Variants in ARHGAP26 observed in about 807,000 individuals in gnomAD.
ARHGAP26 encodes the protein Rho GTPase activating protein 26.
In ARHGAP26, 38 loss-of-function variants were observed where a neutral mutation model predicts 104.8. The observed-to-expected ratio is 0.36, with a 90% CI of 0.28 to 0.48. The LOEUF is 0.48. Ranked by LOEUF, ARHGAP26 falls within the 20% of genes least tolerant of loss-of-function variation. The pLI is 0.99. For missense variants in ARHGAP26, 704 were observed against 947.9 expected, an observed-to-expected ratio of 0.74 and a Z score of 3.38; for synonymous variants, 341 against 340.0, an observed-to-expected ratio of 1.00 and a Z score of -0.03.
At chr5:142,812,847 G>A (rs929306064) in intron 1 of ARHGAP26, among the ~76,000 whole-genome samples, 1 of 152,118 alleles carries the variant, frequency 6.6e-6, no homozygotes, top group African/African-American at 2.4e-5. Flanking sequence ...TCCTAAAACA[G>A]GGGTATTGAT....
chr5:142,797,945 T>C (rs1761323119), intron 1 of ARHGAP26, among the ~76,000 whole-genome samples: 1 of 152,230 alleles, frequency 6.6e-6, no homozygotes, highest in African/African-American at 2.4e-5. Flanking sequence ...CTGAGTTGCC[T>C]GTGCTAGACC....
chr5:142,821,434 T>G (rs1766167083), intron 1 of ARHGAP26, among the ~76,000 whole-genome samples: 1 of 150,754 alleles, frequency 6.6e-6, no homozygotes, highest in Non-Finnish European at 1.5e-5. Flanking sequence ...GCAAGTGCAC[T>G]CTTACATTTT....
At chr5:143,214,128 CG>C in intron 22 of ARHGAP26, 40 bp downstream of exon 22, 1 of 595,302 alleles carries the variant, frequency 1.7e-6, no homozygotes, top group Non-Finnish European at 2.6e-6. Flanking sequence ...GGGCGGGGGG[CG>C]GGGGCAAGGG....
intron 1 of ARHGAP26, among the ~76,000 whole-genome samples, chr5:142,823,804 A>G (rs1474607760): frequency 1.3e-5 from 2 of 152,218 alleles, no homozygotes; most frequent in Non-Finnish European, 2.9e-5. Context: ...GCTGATGGTT[A>G]TTTAAAGGCA....
At chr5:142,957,322 T>C (rs760127757) in intron 11 of ARHGAP26, among the ~76,000 whole-genome samples, 7 of 152,232 alleles carry the variant, frequency 4.6e-5, no homozygotes, top group Non-Finnish European at 8.8e-5. Context: ...CACTTAGTCT[T>C]TGTGATTTCG....
Position 143,026,634 on chromosome 5 carries a change from G to C in ARHGAP26, c.1145-10562G>C, listed in dbSNP as rs546389109. On this transcript the variant is annotated intron_variant, in intron 12 of 22. Coordinates refer to ENST00000645722, the MANE Select transcript of ARHGAP26 (RefSeq NM_001135608.3). ...GGATGGGAGGAGGCCCTGGGGGTGA[G>C]TGGTCAGGTAGGCTGGGGCTAGACC... Among the ~76,000 whole-genome samples the C allele has an allele frequency of 7.9e-5, 12 of 152,306 alleles. No homozygotes were observed. In the South Asian group the frequency reaches 2.5e-3, roughly 32 times the overall value.
intron 10 of ARHGAP26, among the ~76,000 whole-genome samples, chr5:142,917,231 G>A (rs898655819): frequency 6.6e-6 from 1 of 152,108 alleles, no homozygotes; most frequent in Admixed American, 6.5e-5. Context: ...TAGAGATGCG[G>A]TTTCGCCATG....
Position 143,207,309 on chromosome 5 carries a change from G to T in ARHGAP26, c.2099+1G>T. 1 of 1,614,092 alleles carries T rather than the reference G, an allele frequency of 6.2e-7. No homozygotes were observed. The highest frequency in any genetic ancestry group is 8.5e-7 in the Non-Finnish European group (1 of 1,180,008). ...CGTCCAGCGACTCATCCCCCGTCAG[G>T]TCTGTTGCAGGGTTTGTTTGGTTTT... On this transcript the variant is annotated splice_donor_variant, in intron 21 of 22. Transcript: ENST00000645722. LOFTEE classifies it high-confidence loss of function.
chr5:142,922,160 C>G (rs1763282940), intron 10 of ARHGAP26: 1 of 152,144 alleles, frequency 6.6e-6, no homozygotes, highest in South Asian at 2.1e-4. Context: ...TTTATGGCCT[C>G]AAGAAGAAAC....
intron 12 of ARHGAP26, among the ~76,000 whole-genome samples, chr5:143,036,834 G>A (rs1291122121): frequency 2.6e-5 from 4 of 152,138 alleles, no homozygotes; most frequent in Non-Finnish European, 4.4e-5. Context: ...GAAGGAGACC[G>A]CAATTAGTTC....
At position 143,037,326 on chromosome 5, in the gene ARHGAP26, C is replaced by G; in HGVS notation, c.1210+65C>G. The G allele has an allele frequency of 2.2e-6, 3 of 1,349,352 alleles. No individual in the cohort carries two copies. The Admixed American group carries it at 5.6e-5, about 25-fold the overall frequency. 83.6% of individuals were successfully genotyped at this position (1,349,352 alleles called of 1,614,324 possible). On this transcript the variant is annotated intron_variant, in intron 13 of 22. Transcript: ENST00000645722. ...TCACGCATCTGGTGAGGAGTCAGAC[C>G]TGCTACCTGCTGTTTCCTGACTTTA...
chr5:142,780,215 T>C (rs1446213248), intron 1 of ARHGAP26, among the ~76,000 whole-genome samples: 1 of 151,262 alleles, frequency 6.6e-6, no homozygotes, highest in Non-Finnish European at 1.5e-5. Context: ...TTGTATTCTA[T>C]TGTATGAATT....
chr5:143,034,437 A>G (rs189625206), intron 12 of ARHGAP26, among the ~76,000 whole-genome samples: 1 of 152,356 alleles, frequency 6.6e-6, no homozygotes, highest in East Asian at 1.9e-4. Flanking sequence ...TGAAGTACTG[A>G]TGCTACAACA....
intron 1 of ARHGAP26, among the ~76,000 whole-genome samples, chr5:142,821,300 G>GTTTTT (rs71576157): frequency 9.4e-5 from 10 of 106,358 alleles, no homozygotes; most frequent in Admixed American, 5.2e-4. Context: ...AGGTAGAGTG[G>GTTTTT]TTTTTTTTTT....
At chr5:142,899,214 A>G (rs929710438) in intron 6 of ARHGAP26, among the ~76,000 whole-genome samples, 3 of 152,166 alleles carry the variant, frequency 2.0e-5, no homozygotes, top group African/African-American at 7.2e-5. Context: ...TAAAGACCCT[A>G]TTTCCAAGTG....
At chr5:142,954,149 G>A (rs946120874) in intron 11 of ARHGAP26, among the ~76,000 whole-genome samples, 2 of 152,208 alleles carry the variant, frequency 1.3e-5, no homozygotes, top group African/African-American at 2.4e-5. Context: ...GGGGGCTGTT[G>A]TTAAATACCA....
intron 20 of ARHGAP26, chr5:143,166,200 G>C: frequency 1.2e-6 from 1 of 809,764 alleles, no homozygotes; most frequent in Non-Finnish European, 1.6e-6. Flanking sequence ...TACGTAGCTG[G>C]CAGTGAACAC....
intron 11 of ARHGAP26, among the ~76,000 whole-genome samples, chr5:142,942,222 C>T (rs1266053866): frequency 2.0e-5 from 3 of 152,054 alleles, no homozygotes; most frequent in Non-Finnish European, 4.4e-5. Context: ...TTACTTGTAC[C>T]AGAATTTAGC....
At chr5:143,062,519 G>GTTT (rs57175122) in intron 17 of ARHGAP26, among the ~76,000 whole-genome samples, 3 of 124,040 alleles carry the variant, frequency 2.4e-5, no homozygotes, top group Non-Finnish European at 3.5e-5. Flanking sequence ...TGTAGCTTGG[G>GTTT]TTTTTTTTTT....
Sources: allele counts gnomAD v4.1 joint callset (sites outside exome capture counted in the v4.1 genomes callset), GRCh38; gene constraint gnomAD v4.1.1; transcripts MANE v1.5; gene names NCBI Gene and HGNC (gene_info 2026-07-23, HGNC 2026-07-21).